Variants in RPS6KA6 observed in about 807,000 individuals in gnomAD.
RPS6KA6 encodes ribosomal protein S6 kinase alpha-6.
In RPS6KA6, 27 loss-of-function variants were observed where a neutral mutation model predicts 65.4. The ratio of observed to expected loss-of-function variants is 0.41; its 90% CI spans 0.30 to 0.57. RPS6KA6 has a LOEUF of 0.57. RPS6KA6 is among the 20% of genes least tolerant of loss of function. The pLI is 0.24. For missense variants in RPS6KA6, 486 were observed against 555.6 expected (o/e 0.87, Z 1.26); for synonymous variants, 190 against 184.2 (o/e 1.03, Z -0.26).
intron 6 of RPS6KA6, among the ~76,000 whole-genome samples, chrX:84,137,533 G>A (rs964570956): frequency 9.0e-6 from 1 of 110,923 alleles, no homozygotes; most frequent in African/African-American, 3.3e-5. Context: ...TGACATACAC[G>A]ATAAAATTAT....
At chrX:84,071,843 T>C (rs374800588) in intron 20 of RPS6KA6, among the ~76,000 whole-genome samples, 1 of 111,222 alleles carries the variant, frequency 9.0e-6, no homozygotes, top group Non-Finnish European at 1.9e-5. Flanking sequence ...CTAGAAGAAA[T>C]TGATACGTTC....
chrX:84,085,040 T>G (rs2033887880), intron 20 of RPS6KA6, among the ~76,000 whole-genome samples: 1 of 111,987 alleles, frequency 8.9e-6, no homozygotes, highest in Non-Finnish European at 1.9e-5. Flanking sequence ...GCTAGCAATC[T>G]TTGCAAATTG....
chrX:84,114,227 C>T (rs1323947810), intron 12 of RPS6KA6, among the ~76,000 whole-genome samples: 1 of 111,198 alleles, frequency 9.0e-6, no homozygotes, highest in African/African-American at 3.3e-5. Context: ...GTGGTTCACG[C>T]CTGTAATCTC....
In RPS6KA6 at chrX:84,117,370, CT is replaced by C. The variant is rs780527455; in HGVS notation, c.860+13del. The C allele has an allele frequency of 1.2e-5, 13 of 1,040,576 alleles. No individual in the cohort carries two copies. The highest frequency in any genetic ancestry group is 3.9e-6 in the Non-Finnish European group (3 of 770,057). The allele number at this position is 1,040,576 out of a possible 1,213,427, so 85.8% of individuals were successfully genotyped here. On this transcript the variant is annotated intron_variant, in intron 10 of 21. Transcript: ENST00000262752. ...ATTTTTTTCCCAAAAGAAAAACATA[CT>C]GTTTACACTTACTTTAATATCATAT... is the stretch of plus-strand genomic sequence containing the variant.
At chrX:84,075,696 GA>G (rs201464238) in intron 20 of RPS6KA6, among the ~76,000 whole-genome samples, 4 of 105,385 alleles carry the variant, frequency 3.8e-5, no homozygotes, top group Admixed American at 1.0e-4. Flanking sequence ...TTTCCTGTCA[GA>G]AAAAAAAAAT....
intron 2 of RPS6KA6, among the ~76,000 whole-genome samples, chrX:84,160,571 C>T (rs2035494084): frequency 9.0e-6 from 1 of 111,391 alleles, no homozygotes; most frequent in Non-Finnish European, 1.9e-5. Flanking sequence ...ATTTTTAAAG[C>T]CTGAACTTGT....
intron 8 of RPS6KA6, among the ~76,000 whole-genome samples, chrX:84,130,341 A>G (rs945103683): frequency 9.0e-6 from 1 of 111,662 alleles, no homozygotes; most frequent in Admixed American, 9.5e-5. Context: ...AATAGCTAAA[A>G]TAAAAAATAC....
chrX:84,110,818 C>T (rs1009018138), intron 12 of RPS6KA6, among the ~76,000 whole-genome samples: 4 of 110,814 alleles, frequency 3.6e-5, no homozygotes, highest in Admixed American at 9.6e-5. Context: ...ATCCCCAAAA[C>T]GTCACAGTAC....
chrX:84,113,772 T>C (rs762389362), intron 12 of RPS6KA6, among the ~76,000 whole-genome samples: 215 of 111,396 alleles, frequency 1.9e-3, no homozygotes, highest in Middle Eastern at 4.6e-3. Flanking sequence ...TGGAAAGTCC[T>C]AGCCAGAGCA....
intron 6 of RPS6KA6, among the ~76,000 whole-genome samples, chrX:84,137,693 T>C (rs1228055026): frequency 8.9e-6 from 1 of 112,244 alleles, no homozygotes; most frequent in Admixed American, 9.5e-5. Flanking sequence ...AATTTAAGTT[T>C]TGATTTTTAG....
intron 3 of RPS6KA6, among the ~76,000 whole-genome samples, chrX:84,153,864 C>T (rs962805886): frequency 5.4e-5 from 6 of 111,490 alleles, no homozygotes; most frequent in Middle Eastern, 9.2e-3. Flanking sequence ...ATAAAGATCA[C>T]TATTTTGTAC....
At chrX:84,109,551 G>C (rs2034429463) in intron 12 of RPS6KA6, among the ~76,000 whole-genome samples, 1 of 111,376 alleles carries the variant, frequency 9.0e-6, no homozygotes, top group Admixed American at 9.5e-5. Context: ...GCTCCCGAGA[G>C]CCCAGCCCCA....
intron 12 of RPS6KA6, among the ~76,000 whole-genome samples, chrX:84,111,309 C>T (rs549423711): frequency 1.3e-4 from 14 of 111,130 alleles, no homozygotes; most frequent in African/African-American, 3.9e-4. Flanking sequence ...TTGTTAGAGA[C>T]GTAGATATCC....
At chrX:84,072,301 C>T (rs182376227) in intron 20 of RPS6KA6, among the ~76,000 whole-genome samples, 135 of 111,689 alleles carry the variant, frequency 1.2e-3, no homozygotes, top group South Asian at 4.1e-3. Flanking sequence ...CAAGGACAGA[C>T]GCCATATGAT....
chrX:84,151,048 G>T (rs1167195278), intron 3 of RPS6KA6, among the ~76,000 whole-genome samples: 10 of 84,883 alleles, frequency 1.2e-4, no homozygotes, highest in Non-Finnish European at 2.1e-4. Flanking sequence ...TATATATATA[G>T]AGGATAGATA....
rs1488609838 is a variant in RPS6KA6, at chrX:84,063,331, T to C, written c.*946A>G. The stretch of plus-strand genomic sequence containing the variant: ...GGTAGAATGATATGCTACACTGTAC[T>C]TCAAAGCACATCGAAGTCAGAAAAA... On this transcript the variant is annotated 3_prime_UTR_variant, in exon 22 of 22. Transcript: ENST00000262752. 2 of 111,301 alleles carry C rather than the reference T, an allele frequency of 1.8e-5. No individual in the cohort carries two copies. The highest frequency in any genetic ancestry group is 6.5e-5 in the African/African-American group (2 of 30,690). 9.2% of individuals were successfully genotyped at this position (111,301 alleles called of 1,213,427 possible). A position where few individuals can be genotyped will look rare whatever the true frequency, so the allele number is the denominator to read the frequency against.
intron 1 of RPS6KA6, chrX:84,187,582 G>C (rs2035943249): frequency 3.2e-6 from 1 of 312,316 alleles, no homozygotes; most frequent in Non-Finnish European, 5.6e-6. Context: ...TGGCCCGCCA[G>C]GCAGGCGCTC....
At chrX:84,137,332 T>C (rs1426982421) in intron 6 of RPS6KA6, among the ~76,000 whole-genome samples, 2 of 111,857 alleles carry the variant, frequency 1.8e-5, no homozygotes, top group East Asian at 5.6e-4. Flanking sequence ...CCATACCAAT[T>C]TACTGTAATT....
At chrX:84,146,199 G>A (rs1162895261) in intron 5 of RPS6KA6, among the ~76,000 whole-genome samples, 1 of 111,485 alleles carries the variant, frequency 9.0e-6, no homozygotes, top group East Asian at 2.8e-4. Flanking sequence ...AAGGTCTTTA[G>A]ATGTTACTTT....
Sources: gnomAD v4.1 joint callset for allele counts (sites outside exome capture counted in the v4.1 genomes callset) on GRCh38, gnomAD v4.1.1 for gene constraint, MANE v1.5 for transcripts, NCBI Gene and HGNC (gene_info 2026-07-23, HGNC 2026-07-21) for gene names.